CDCA7: variants seen among roughly 807,000 people sequenced by gnomAD.
CDCA7 encodes cell division cycle-associated protein 7.
In CDCA7, 28 loss-of-function variants were observed where a neutral mutation model predicts 54.0. The ratio of observed to expected loss-of-function variants is 0.52; its 90% CI spans 0.38 to 0.71. The LOEUF (loss-of-function observed/expected upper bound fraction) is 0.71. Among genes scored for constraint, CDCA7 ranks in the 30% least tolerant of loss-of-function variants. CDCA7 has a pLI of 0.00. For synonymous variants in CDCA7, 180 were observed against 208.2 expected, an observed-to-expected ratio of 0.86 and a Z score of 1.16; for missense variants, 484 against 586.0, an observed-to-expected ratio of 0.83 and a Z score of 1.80.
Position 173,365,449 on chromosome 2 carries a change from C to A in CDCA7, c.895-3C>A. 6.2e-7 allele frequency: 1 copy of A among 1,606,892 alleles called. No homozygotes were observed. The highest frequency in any genetic ancestry group is 8.5e-7 in the Non-Finnish European group (1 of 1,177,230). On this transcript the variant is annotated splice_polypyrimidine_tract_variant and splice_region_variant and intron_variant, in intron 6 of 9. Transcript: ENST00000306721. Reference sequence around the variant, plus strand: ...TCTGTGTTTTGTATTCCTTGTAATGCAGGAAGATGACCTGCCCAGAAGCCG... The same window carrying A: ...TCTGTGTTTTGTATTCCTTGTAATGAAGGAAGATGACCTGCCCAGAAGCCG...
chr2:173,365,120 A>G, intron 6 of CDCA7, 131 bp downstream of exon 6: 2 of 1,364,712 alleles, frequency 1.5e-6, no homozygotes, highest in South Asian at 3.4e-5. Flanking sequence ...CTAACCATTC[A>G]GAACTGTAAA....
chr2:173,359,166 A>G (rs1264379717), intron 2 of CDCA7, 89 bp from the exon 3 acceptor site: 4 of 1,050,988 alleles, frequency 3.8e-6, no homozygotes, highest in Non-Finnish European at 5.6e-6. Context: ...GCACTTGTAA[A>G]TGTGATTTGC....
At position 173,368,565 on chromosome 2, in the gene CDCA7, C is replaced by T. The variant is rs978758551; in HGVS notation, c.*901C>T. The T allele has an allele frequency of 2.0e-5, 3 of 152,206 alleles. No homozygotes were observed. The highest frequency in any genetic ancestry group is 2.1e-4 in the South Asian group (1 of 4,834). The allele number at this position is 152,206 out of a possible 1,614,324, so 9.4% of individuals were successfully genotyped here. On this transcript the variant is annotated 3_prime_UTR_variant, in exon 10 of 10. Coordinates refer to ENST00000306721, the MANE Select transcript of CDCA7 (RefSeq NM_031942.5). ...TTCTTGTAAATTTATAAACCAGGCACAAGGTTCAAGTTTAGATTTTAAGCA... is the reference window on the plus strand; with the variant it reads ...TTCTTGTAAATTTATAAACCAGGCATAAGGTTCAAGTTTAGATTTTAAGCA...
At position 173,359,727 on chromosome 2, in the gene CDCA7, T is replaced by C. The variant is rs934826567; in HGVS notation, c.384+236T>C. ...AAATTTGGAAACTGGTAAGATAAAA[T>C]TGGCCAATCTCCAGATTTTCGTTTC... On this transcript the variant is annotated intron_variant, in intron 3 of 9. Coordinates refer to ENST00000306721, the MANE Select transcript of CDCA7 (RefSeq NM_031942.5). Among the ~76,000 whole-genome samples, 81 of 152,202 alleles carry C rather than the reference T, an allele frequency of 5.3e-4. 2 individuals are homozygous for C. Among genetic ancestry groups the C allele is most frequent in the Non-Finnish European group, 5.9e-5 (4 of 68,030 alleles).
rs1449942425 is a variant in CDCA7, at chr2:173,366,924, G to A, written c.1186-226G>A. Among the ~76,000 whole-genome samples, 3 of 152,150 alleles carry A rather than the reference G, an allele frequency of 2.0e-5. No individual in the cohort carries two copies. Among genetic ancestry groups the A allele is most frequent in the Non-Finnish European group, 2.9e-5 (2 of 68,032 alleles). Reference sequence around the variant, plus strand: ...GGCATGAGCCGCTTCTACGATACTCGGGTCTGAACTGTCCCTGGGAAGTTG... The same window carrying A: ...GGCATGAGCCGCTTCTACGATACTCAGGTCTGAACTGTCCCTGGGAAGTTG... On this transcript the variant is annotated intron_variant, in intron 8 of 9. Transcript: ENST00000306721. This position sits in a 1 kb window ranked among gnomAD's most constrained non-coding sequence, Gnocchi z 4.5.
At chr2:173,367,591 G>A in intron 9 of CDCA7, 43 bp from the exon 10 acceptor site, 1 of 1,610,514 alleles carries the variant, frequency 6.2e-7, no homozygotes, top group Non-Finnish European at 8.5e-7. Flanking sequence ...GAATTCTTTG[G>A]TTGAAAACTA....
Position 173,367,630 on chromosome 2 carries a change from A to C in CDCA7, c.1323-4A>C. The C allele has an allele frequency of 6.2e-7, 1 of 1,614,170 alleles. No homozygotes were observed. Among genetic ancestry groups the C allele is most frequent in the Non-Finnish European group, 8.5e-7 (1 of 1,180,004 alleles). On this transcript the variant is annotated splice_region_variant and splice_polypyrimidine_tract_variant and intron_variant, in intron 9 of 9. Transcript: ENST00000306721. ...CCTGACACATTTCCTTTTGTTTTTC[A>C]CAGCCTGAAACAGGAATTTGAAATG...
At chr2:173,362,499 G>C (rs1686639762) in intron 3 of CDCA7, among the ~76,000 whole-genome samples, 1 of 151,548 alleles carries the variant, frequency 6.6e-6, no homozygotes, top group Non-Finnish European at 1.5e-5. Context: ...TTTTAAAGTA[G>C]AGAATTGAGA....
chr2:173,365,669 A>G, intron 7 of CDCA7, 77 bp downstream of exon 7: 3 of 1,488,810 alleles, frequency 2.0e-6, no homozygotes, highest in Non-Finnish European at 2.7e-6. Context: ...AGCGTTGCCC[A>G]GGTTCTAAAG....
chr2:173,363,725 T>C, intron 4 of CDCA7, 93 bp from the exon 5 acceptor site: 2 of 1,215,742 alleles, frequency 1.6e-6, no homozygotes, highest in Non-Finnish European at 2.4e-6. Context: ...TATAAAACCA[T>C]GAGATGTACT....
Position 173,364,686 on chromosome 2 carries a change from T to C in CDCA7, c.700-109T>C, listed in dbSNP as rs75649261. ...GCAAAGGACAAAGAAAAAGAAAAAA[T>C]AGAGCTCTCTTTACTTAAAACATCC... On this transcript the variant is annotated intron_variant, in intron 5 of 9. Transcript: ENST00000306721. 3.9e-4 allele frequency: 569 copies of C among 1,460,514 alleles called. 3 individuals carry two copies. In the East Asian group the frequency reaches 7.8e-3, roughly 20 times the overall value. The allele number at this position is 1,460,514 out of a possible 1,614,324, so 90.5% of individuals were successfully genotyped here. A position where few individuals can be genotyped will look rare whatever the true frequency, so the allele number is the denominator to read the frequency against.
At position 173,354,891 on chromosome 2, in the gene CDCA7, C is replaced by T; in HGVS notation, c.-73C>T. ...AGCCGCGCTGCTGCTGCTCCTCCTG[C>T]TGTGGGACCGCTGACCGCGCGGCTG... On this transcript the variant is annotated 5_prime_UTR_variant, in exon 1 of 10. Coordinates refer to ENST00000306721, the MANE Select transcript of CDCA7 (RefSeq NM_031942.5). 6.9e-7 allele frequency: 1 copy of T among 1,458,494 alleles called. No homozygotes were observed. Among genetic ancestry groups the T allele is most frequent in the South Asian group, 1.3e-5 (1 of 77,170 alleles). 90.3% of individuals were successfully genotyped at this position (1,458,494 alleles called of 1,614,324 possible).
In CDCA7 at chr2:173,367,629, C is replaced by G; in HGVS notation, c.1323-5C>G. On this transcript the variant is annotated splice_region_variant and splice_polypyrimidine_tract_variant and intron_variant, in intron 9 of 9. Coordinates refer to ENST00000306721, the MANE Select transcript of CDCA7 (RefSeq NM_031942.5). ...TCCTGACACATTTCCTTTTGTTTTT[C>G]ACAGCCTGAAACAGGAATTTGAAAT... The G allele has an allele frequency of 6.2e-7, 1 of 1,614,088 alleles. No homozygotes were observed. The highest frequency in any genetic ancestry group is 8.5e-7 in the Non-Finnish European group (1 of 1,179,992).
chr2:173,356,034 A>C (rs2106386640), intron 1 of CDCA7: 1 of 152,348 alleles, frequency 6.6e-6, no homozygotes, highest in East Asian at 1.9e-4. Context: ...CCTGAGCCTC[A>C]GTTTCCTCAT....
intron 1 of CDCA7, among the ~76,000 whole-genome samples, chr2:173,355,285 G>GC (rs1686474776): frequency 6.6e-6 from 1 of 152,218 alleles, no homozygotes; most frequent in Non-Finnish European, 1.5e-5. Flanking sequence ...CCGGACAGCG[G>GC]CCGGGAGCGC....
chr2:173,364,877 G>C lies in CDCA7; in HGVS notation c.782G>C (p.Arg261Thr), dbSNP rs1407412687. The C allele has an allele frequency of 6.2e-7, 1 of 1,611,056 alleles. No individual in the cohort carries two copies. Among genetic ancestry groups the C allele is most frequent in the Non-Finnish European group, 8.5e-7 (1 of 1,179,016 alleles). ...GAACGGAGAGCTCGTCCTCTTACCA[G>C]GTCAAGGTCCCGGATCCTCGGGTCC... ...NPERRARPLT[R>T]SRSRILGSLD... Residue 261 changes from arginine to threonine, a missense_variant, in exon 6 of 10, where the codon AGG becomes ACG. Around this residue, in one of 3 missense-constraint regions of CDCA7, gnomAD observed 398 missense variants for 447.4 expected, o/e 0.89. Coordinates refer to ENST00000306721, the MANE Select transcript of CDCA7 (RefSeq NM_031942.5).
rs1233412572 is a variant in CDCA7 at position 173,367,297 on chromosome 2, T to G, written c.1322+11T>G. On this transcript the variant is annotated intron_variant, in intron 9 of 9. Coordinates refer to ENST00000306721, the MANE Select transcript of CDCA7 (RefSeq NM_031942.5). Reference sequence around the variant, plus strand: ...TGCCTACTTGAAAAGGTAGTGGGTGTTTTTTTTTCCCTTCCACATCTGAAT... The same window carrying G: ...TGCCTACTTGAAAAGGTAGTGGGTGGTTTTTTTTCCCTTCCACATCTGAAT... 5 of 1,607,452 alleles carry G rather than the reference T, an allele frequency of 3.1e-6. No homozygotes were observed. Among genetic ancestry groups the G allele is most frequent in the Non-Finnish European group, 4.3e-6 (5 of 1,176,038 alleles).
intron 9 of CDCA7, 143 bp downstream of exon 9, chr2:173,367,429 A>G: frequency 7.2e-7 from 1 of 1,392,158 alleles, no homozygotes; most frequent in South Asian, 1.2e-5. Context: ...AGGGATGGGA[A>G]CATTTTCTGT....
Position 173,366,641 on chromosome 2 carries a change from C to A in CDCA7, c.1185+209C>A, listed in dbSNP as rs974159541. On this transcript the variant is annotated intron_variant, in intron 8 of 9. Transcript: ENST00000306721. The surrounding 1 kb of genome is among the most constrained non-coding windows in gnomAD (Gnocchi z 4.5). ...GCAACCTCCTCCTCCTGGGTTCAAG[C>A]GATTCTCCTGCCTCAGCCTCCCAAG... 6.6e-6 allele frequency among the ~76,000 whole-genome samples: 1 copy of A among 152,116 alleles called. No homozygotes were observed. The highest frequency in any genetic ancestry group is 1.5e-5 in the Non-Finnish European group (1 of 68,028).
Sources: allele counts gnomAD v4.1 joint callset (sites outside exome capture counted in the v4.1 genomes callset), GRCh38; gene constraint gnomAD v4.1.1; regional missense constraint gnomAD v4.1.1; non-coding constraint Gnocchi (gnomAD v3.1); transcripts MANE v1.5; gene names NCBI Gene and HGNC (gene_info 2026-07-23, HGNC 2026-07-21).